ODAD2: variants seen among roughly 807,000 people sequenced by gnomAD.
ODAD2 encodes the protein outer dynein arm docking complex subunit 2, also known as outer dynein arm-docking complex subunit 2.
In ODAD2, 89 loss-of-function variants were observed where a neutral mutation model predicts 106.8. That is an observed-to-expected ratio of 0.83 (90% confidence interval 0.70 to 0.99). ODAD2 has a LOEUF of 0.99. Among genes scored for constraint, ODAD2 ranks in the 50% least tolerant of loss-of-function variants. The pLI is 0.00. For missense variants in ODAD2, 1,168 were observed against 1,238.5 expected, an observed-to-expected ratio of 0.94 and a Z score of 0.85; for synonymous variants, 404 against 436.2, an observed-to-expected ratio of 0.93 and a Z score of 0.92.
Position 27,971,123 on chromosome 10 carries a change from G to C in ODAD2, c.1127C>G (p.Thr376Ser). The change falls in exon 8 of 20, where the codon ACT becomes AGT. Residue 376 changes from threonine to serine, a missense_variant. Thr to Ser is a moderately conservative substitution (Grantham distance 58, BLOSUM62 1). This residue lies in a region of ODAD2 where 430 missense variants were observed against 452.2 expected (regional missense o/e 0.95). Transcript: ENST00000305242. ...ATCTACATACCCTTTGTAATTAACA[G>C]TGGTCTTCCAGTTTAAGCTTGGTTC... ...RWEPSLNWKTTVNYKGKGSAK... is the reference protein window; with the variant it reads ...RWEPSLNWKTSVNYKGKGSAK... 6.2e-7 allele frequency: 1 copy of C among 1,612,912 alleles called. No homozygotes were observed. Among genetic ancestry groups the C allele is most frequent in the South Asian group, 1.1e-5 (1 of 91,046 alleles).
intron 7 of ODAD2, among the ~76,000 whole-genome samples, chr10:27,979,264 A>ACAAGGATG (rs1849389980): frequency 6.6e-6 from 1 of 151,708 alleles, no homozygotes; most frequent in Non-Finnish European, 1.5e-5. Context: ...CAGGAATCAG[A>ACAAGGATG]CAAGGATGCC....
intron 17 of ODAD2, among the ~76,000 whole-genome samples, chr10:27,866,244 T>C (rs1405030638): frequency 6.6e-6 from 1 of 152,150 alleles, no homozygotes; most frequent in African/African-American, 2.4e-5. Flanking sequence ...TTGCATGTCA[T>C]AGATGAAGAA....
chr10:27,834,243 T>C (rs1419611772), intron 19 of ODAD2, among the ~76,000 whole-genome samples: 1 of 152,136 alleles, frequency 6.6e-6, no homozygotes, highest in East Asian at 1.9e-4. Flanking sequence ...TGGCGTAACA[T>C]TATACGTGCA....
chr10:27,882,262 A>G (rs1841799475), intron 17 of ODAD2, among the ~76,000 whole-genome samples: 1 of 151,936 alleles, frequency 6.6e-6, no homozygotes, highest in African/African-American at 2.4e-5. Context: ...CTCATTCTCA[A>G]TAAGATTTAC....
chr10:27,974,350 T>C (rs1406070446), intron 7 of ODAD2, among the ~76,000 whole-genome samples: 1 of 152,216 alleles, frequency 6.6e-6, no homozygotes, highest in African/African-American at 2.4e-5. Context: ...CCAGGGTTTT[T>C]ATAGTTTTGA....
chr10:27,854,822 T>C (rs1286018072), intron 19 of ODAD2, among the ~76,000 whole-genome samples: 1 of 152,026 alleles, frequency 6.6e-6, no homozygotes, highest in Non-Finnish European at 1.5e-5. Flanking sequence ...TACAACGGAC[T>C]ACCACTCAGA....
intron 17 of ODAD2, among the ~76,000 whole-genome samples, chr10:27,894,470 T>C (rs1842742293): frequency 1.3e-5 from 2 of 152,090 alleles, no homozygotes; most frequent in East Asian, 3.9e-4. Context: ...ACCTATGATA[T>C]AAAGTTACTG....
At chr10:27,937,339 C>CTTTTTTTT (rs57375404) in intron 14 of ODAD2, among the ~76,000 whole-genome samples, 3 of 132,768 alleles carry the variant, frequency 2.3e-5, no homozygotes, top group Non-Finnish European at 4.8e-5. Context: ...TTTCTTTTTT[C>CTTTTTTTT]TTTTTTTTTT....
In ODAD2 at chr10:27,936,675, GTGTTTCA is replaced by G. The variant is rs756249650; in HGVS notation, c.2252+44_2252+50del. 16 of 1,591,386 alleles carry G rather than the reference GTGTTTCA, an allele frequency of 1.0e-5. No homozygotes were observed. In the South Asian group the frequency reaches 1.3e-4, roughly 13 times the overall value. On this transcript the variant is annotated intron_variant, in intron 15 of 19. Coordinates refer to ENST00000305242, the MANE Select transcript of ODAD2 (RefSeq NM_018076.5). ...TAGAATGGCATTAAATGACAAGAAG[GTGTTTCA>G]GAAGCCGTATCTTCATTTCAGAATA...
At chr10:27,996,321 G>A (rs1032941563) in intron 1 of ODAD2, among the ~76,000 whole-genome samples, 17 of 152,136 alleles carry the variant, frequency 1.1e-4, no homozygotes, top group African/African-American at 4.1e-4. Flanking sequence ...TTTACATTCT[G>A]TACTGTATTA....
At chr10:27,924,759 G>C (rs1184819131) in intron 16 of ODAD2, among the ~76,000 whole-genome samples, 2 of 150,700 alleles carry the variant, frequency 1.3e-5, no homozygotes, top group African/African-American at 4.9e-5. Context: ...AAATAAATTT[G>C]AAAGTTGAAA....
chr10:27,958,857 G>A (rs1454134773), intron 10 of ODAD2: 18 of 1,303,468 alleles, frequency 1.4e-5, no homozygotes, highest in East Asian at 1.1e-4. Context: ...TTGAGTAAGC[G>A]GCAGAATTTC....
chr10:27,871,565 T>C (rs1162147232), intron 17 of ODAD2, among the ~76,000 whole-genome samples: 1 of 152,232 alleles, frequency 6.6e-6, no homozygotes, highest in Non-Finnish European at 1.5e-5. Context: ...GTTTCACCTT[T>C]CTACATATGG....
At chr10:27,899,481 G>A (rs1418430263) in intron 17 of ODAD2, among the ~76,000 whole-genome samples, 1 of 152,078 alleles carries the variant, frequency 6.6e-6, no homozygotes, top group Non-Finnish European at 1.5e-5. Flanking sequence ...CACACTCCTG[G>A]AAAGGAGGCT....
At chr10:27,904,903 A>C (rs1423901199) in intron 17 of ODAD2, 1 of 152,260 alleles carries the variant, frequency 6.6e-6, no homozygotes, top group Admixed American at 6.5e-5. Flanking sequence ...CTCAAAACAC[A>C]AAAGGGATGC....
At chr10:27,930,952 G>T (rs1396926965) in intron 16 of ODAD2, among the ~76,000 whole-genome samples, 1 of 152,172 alleles carries the variant, frequency 6.6e-6, no homozygotes, top group African/African-American at 2.4e-5. Flanking sequence ...ACTCCGAAAT[G>T]TCTACGAAAT....
chr10:27,864,207 T>C (rs1266791108), intron 17 of ODAD2, among the ~76,000 whole-genome samples: 9 of 151,322 alleles, frequency 5.9e-5, no homozygotes, highest in Non-Finnish European at 1.3e-4. Flanking sequence ...TTGGAGAAGA[T>C]AGAGATGAGT....
At chr10:27,827,379 C>CACACTA (rs1239159370) in intron 19 of ODAD2, among the ~76,000 whole-genome samples, 1 of 132,470 alleles carries the variant, frequency 7.5e-6, no homozygotes, top group Admixed American at 7.8e-5. Context: ...CACACACACA[C>CACACTA]TATATATATA....
rs755589164 is a variant in ODAD2 at position 27,983,864 on chromosome 10, T to C, written c.798A>G (p.Ala266=). ...TTACACCATTTAAAAATACTCCTCC[T>C]GCACTGCAAGTAATGCACAGAGTCT... is the stretch of plus-strand genomic sequence containing the variant. ...DGETLCITCS[A]GGVFLNGGKT... is the part of the protein sequence containing the mutation. Residue 266 remains alanine, a synonymous_variant, in exon 6 of 20, where the codon GCA becomes GCG. Transcript: ENST00000305242. 11 of 1,613,236 alleles carry C rather than the reference T, an allele frequency of 6.8e-6. No homozygotes were observed. In the Admixed American group the frequency reaches 1.7e-4, roughly 25 times the overall value.
Sources: allele counts gnomAD v4.1 joint callset (sites outside exome capture counted in the v4.1 genomes callset), GRCh38; gene constraint gnomAD v4.1.1; regional missense constraint gnomAD v4.1.1; transcripts MANE v1.5; gene names NCBI Gene and HGNC (gene_info 2026-07-23, HGNC 2026-07-21).